The following LRCH1 variants were observed in gnomAD, a reference collection of about 807,000 sequenced individuals.
LRCH1 encodes the protein leucine-rich repeat and calponin homology domain-containing protein 1.
A neutral mutation model predicts 94.9 loss-of-function variants in LRCH1; 23 were observed. The ratio of observed to expected loss-of-function variants is 0.24; its 90% CI spans 0.17 to 0.34. The LOEUF (loss-of-function observed/expected upper bound fraction) is 0.34, where lower values mean the gene tolerates loss of function less well. LRCH1 is among the 10% of genes least tolerant of loss of function. The pLI, the probability that LRCH1 is intolerant of heterozygous loss-of-function variation, is 1.00. For missense variants in LRCH1, 790 were observed against 945.9 expected, an observed-to-expected ratio of 0.84 and a Z score of 2.16; for synonymous variants, 364 against 354.9, an observed-to-expected ratio of 1.03 and a Z score of -0.29.
chr13:46,734,940 A>G (rs1387354951), intron 19 of LRCH1, among the ~76,000 whole-genome samples: 1 of 152,102 alleles, frequency 6.6e-6, no homozygotes, highest in Non-Finnish European at 1.5e-5. Flanking sequence ...ATTGACAAAG[A>G]CTTTTTTCCC....
At chr13:46,626,271 A>T (rs1244207323) in intron 1 of LRCH1, among the ~76,000 whole-genome samples, 1 of 152,156 alleles carries the variant, frequency 6.6e-6, no homozygotes, top group African/African-American at 2.4e-5. Flanking sequence ...ATTAATGACT[A>T]TGGGTAGTGT....
At chr13:46,694,363 G>A (rs1458431281) in intron 8 of LRCH1, among the ~76,000 whole-genome samples, 1 of 152,210 alleles carries the variant, frequency 6.6e-6, no homozygotes, top group East Asian at 1.9e-4. Flanking sequence ...TGTCACCTCT[G>A]TGTGGCCCTT....
At chr13:46,665,952 T>G (rs1443164623) in intron 2 of LRCH1, among the ~76,000 whole-genome samples, 1 of 152,196 alleles carries the variant, frequency 6.6e-6, no homozygotes, top group Non-Finnish European at 1.5e-5. Flanking sequence ...AAATATTTGC[T>G]GGAGAGCAAA....
intron 1 of LRCH1, among the ~76,000 whole-genome samples, chr13:46,587,784 G>T (rs899316625): frequency 7.9e-5 from 12 of 152,194 alleles, no homozygotes; most frequent in African/African-American, 2.7e-4. Flanking sequence ...TGGTGATATA[G>T]ACTTGAAATT....
chr13:46,699,305 T>C, intron 9 of LRCH1, 31 bp from the exon 10 acceptor site: 1 of 1,593,924 alleles, frequency 6.3e-7, no homozygotes, highest in East Asian at 2.2e-5. Context: ...TAGCCAATGG[T>C]TTTCAGGAAC....
intron 1 of LRCH1, among the ~76,000 whole-genome samples, chr13:46,566,851 T>TGGGG (rs2050189997): frequency 2.0e-5 from 3 of 152,198 alleles, no homozygotes; most frequent in Non-Finnish European, 4.4e-5. Flanking sequence ...GAAAGTGAGC[T>TGGGG]CAGAGACCCC....
chr13:46,615,052 T>C (rs932243861), intron 1 of LRCH1, among the ~76,000 whole-genome samples: 1 of 152,246 alleles, frequency 6.6e-6, no homozygotes, highest in African/African-American at 2.4e-5. Context: ...TAGGTAATAA[T>C]GAATCTGAGT....
intron 4 of LRCH1, among the ~76,000 whole-genome samples, chr13:46,684,940 T>C (rs1870530414): frequency 6.6e-6 from 1 of 152,052 alleles, no homozygotes; most frequent in Non-Finnish European, 1.5e-5. Flanking sequence ...AGTGTAGGGG[T>C]AGAGGAGAAA....
At chr13:46,554,752 C>T (rs1187135715) in intron 1 of LRCH1, among the ~76,000 whole-genome samples, 1 of 152,274 alleles carries the variant, frequency 6.6e-6, no homozygotes, top group East Asian at 1.9e-4. Flanking sequence ...CATCCGGTTC[C>T]GCTCCCTGGG....
intron 1 of LRCH1, among the ~76,000 whole-genome samples, chr13:46,633,274 C>T (rs886933493): frequency 6.6e-6 from 1 of 152,114 alleles, no homozygotes; most frequent in Non-Finnish European, 1.5e-5. Context: ...GTTTAGCCTA[C>T]AATATTTTTG....
chr13:46,723,357 A>G (rs1222298187), intron 17 of LRCH1, 27 bp downstream of exon 17: 6 of 1,445,456 alleles, frequency 4.2e-6, no homozygotes, highest in Non-Finnish European at 5.8e-6. Context: ...ATGTAACTAA[A>G]GGAGAATTTA....
intron 1 of LRCH1, among the ~76,000 whole-genome samples, chr13:46,554,746 C>G (rs1473275368): frequency 2.0e-5 from 3 of 152,284 alleles, no homozygotes; most frequent in Middle Eastern, 6.8e-3. Context: ...TCCGGCCATC[C>G]GGTTCCGCTC....
intron 1 of LRCH1, among the ~76,000 whole-genome samples, chr13:46,558,003 C>T (rs1352762268): frequency 2.0e-5 from 3 of 152,164 alleles, no homozygotes; most frequent in East Asian, 1.9e-4. Flanking sequence ...CGCCACTGCA[C>T]TCCAGCCTAC....
chr13:46,675,212 T>G lies in LRCH1; in HGVS notation c.579+6056T>G, dbSNP rs79913171. On this transcript the variant is annotated intron_variant, in intron 3 of 19. Transcript: ENST00000389797. ...TAAGAGATGCTGTATAAATGCCATG[T>G]GTTATAATTAACAGGCAGCTGTAAA... Among the ~76,000 whole-genome samples, 1,181 of 152,370 alleles carry G rather than the reference T, an allele frequency of 7.8e-3. 11 individuals carry two copies. Among genetic ancestry groups the G allele is most frequent in the African/African-American group, 0.027 (1,125 of 41,588 alleles).
chr13:46,564,028 G>T (rs1471565732), intron 1 of LRCH1, among the ~76,000 whole-genome samples: 1 of 152,162 alleles, frequency 6.6e-6, no homozygotes, highest in Admixed American at 6.5e-5. Context: ...AAAAAATGGT[G>T]TGAAACCTTT....
At chr13:46,595,778 A>G (rs1398282868) in intron 1 of LRCH1, among the ~76,000 whole-genome samples, 1 of 152,208 alleles carries the variant, frequency 6.6e-6, no homozygotes, top group Non-Finnish European at 1.5e-5. Context: ...GGCCTTAGGC[A>G]CATACTGGTT....
chr13:46,623,333 G>C (rs1465718852), intron 1 of LRCH1, among the ~76,000 whole-genome samples: 1 of 152,096 alleles, frequency 6.6e-6, no homozygotes, highest in South Asian at 2.1e-4. Flanking sequence ...TGGTAATGGT[G>C]GGGAAAGACA....
intron 1 of LRCH1, among the ~76,000 whole-genome samples, chr13:46,558,806 C>G (rs1258981806): frequency 6.6e-6 from 1 of 152,014 alleles, no homozygotes; most frequent in Non-Finnish European, 1.5e-5. Context: ...GGCATTTAAG[C>G]CTGTCTTTCT....
intron 1 of LRCH1, among the ~76,000 whole-genome samples, chr13:46,563,236 G>A (rs2050148196): frequency 6.6e-6 from 1 of 152,166 alleles, no homozygotes; most frequent in Admixed American, 6.5e-5. Flanking sequence ...AGTTTGAATT[G>A]GATGAGGATT....
Sources: allele counts gnomAD v4.1 joint callset (sites outside exome capture counted in the v4.1 genomes callset), GRCh38; gene constraint gnomAD v4.1.1; transcripts MANE v1.5; gene names NCBI Gene and HGNC (gene_info 2026-07-23, HGNC 2026-07-21).